The following ZNF471 variants were observed in gnomAD, a reference collection of about 807,000 sequenced individuals.
ZNF471 encodes zinc finger protein 471.
Under a neutral mutation model 13.7 loss-of-function variants are expected in ZNF471, and 7 were observed. That is an observed-to-expected ratio of 0.51 (90% CI 0.29 to 0.96). The LOEUF (loss-of-function observed/expected upper bound fraction) is 0.96. Among genes scored for constraint, ZNF471 ranks in the 40% least tolerant of loss-of-function variants. ZNF471 has a pLI of 0.08. For missense variants in ZNF471, 663 were observed against 743.3 expected (o/e 0.89, Z 1.26); for synonymous variants, 218 against 235.6 (o/e 0.93, Z 0.68).
chr19:56,520,046 G>C (rs563283398), intron 4 of ZNF471, among the ~76,000 whole-genome samples: 2 of 152,314 alleles, frequency 1.3e-5, no homozygotes, highest in African/African-American at 4.8e-5. Flanking sequence ...TGTGTCCACT[G>C]TGGATAAGGA....
chr19:56,511,494 C>T, intron 1 of ZNF471, 23 bp from the exon 2 acceptor site: 5 of 1,586,706 alleles, frequency 3.2e-6, no homozygotes, highest in Non-Finnish European at 4.3e-6. Context: ...CCTCATCTCT[C>T]TCTAACCTTT....
rs772085611 is a variant in ZNF471 at position 56,525,990 on chromosome 19, C to T, written c.*42C>T. 3.4e-6 allele frequency: 5 copies of T among 1,487,894 alleles called. No homozygotes were observed. The East Asian group carries it at 9.1e-5, about 27-fold the overall frequency. 92.2% of individuals were successfully genotyped at this position (1,487,894 alleles called of 1,614,324 possible). ...GCCAAGCCTTTAGTTATCACCAATC[C>T]CCTACTGTTAATCAGAGATGTCCCA... On this transcript the variant is annotated 3_prime_UTR_variant, in exon 5 of 5. Coordinates refer to ENST00000308031, the MANE Select transcript of ZNF471 (RefSeq NM_020813.4).
chr19:56,525,450 C>T lies in ZNF471; in HGVS notation c.1383C>T (p.Cys461=). The change falls in exon 5 of 5, where the codon TGC becomes TGT. Residue 461 remains cysteine, a synonymous_variant. Coordinates refer to ENST00000308031, the MANE Select transcript of ZNF471 (RefSeq NM_020813.4). Reference sequence around the variant, plus strand: ...ATTCTGGAGAGAAACCGTATGAATGCAAGGAATGTGGGAAAGCCTTTAGGC... The same window carrying T: ...ATTCTGGAGAGAAACCGTATGAATGTAAGGAATGTGGGAAAGCCTTTAGGC... The part of the protein sequence containing the change: ...RVHSGEKPYE[C]KECGKAFRQN... 6.2e-7 allele frequency: 1 copy of T among 1,613,926 alleles called. No individual in the cohort carries two copies. The highest frequency in any genetic ancestry group is 8.5e-7 in the Non-Finnish European group (1 of 1,180,002).
chr19:56,526,088 A>C lies in ZNF471; in HGVS notation c.*140A>C. 1 of 824,260 alleles carries C rather than the reference A, an allele frequency of 1.2e-6. No individual in the cohort carries two copies. Among genetic ancestry groups the C allele is most frequent in the Non-Finnish European group, 1.8e-6 (1 of 546,350 alleles). The allele number at this position is 824,260 out of a possible 1,614,324, so 51.1% of individuals were successfully genotyped here. ...CAGGAGGCTGGCAAGATGGCCGAAT[A>C]GGAACAGCTCTGATCTGCAGTTCCC... On this transcript the variant is annotated 3_prime_UTR_variant, in exon 5 of 5. Coordinates refer to ENST00000308031, the MANE Select transcript of ZNF471 (RefSeq NM_020813.4).
intron 4 of ZNF471, among the ~76,000 whole-genome samples, chr19:56,519,389 T>C (rs2043937907): frequency 6.6e-6 from 1 of 152,166 alleles, no homozygotes; most frequent in African/African-American, 2.4e-5. Context: ...ATCCTGAATA[T>C]CAAATCAGAG....
At chr19:56,512,435 C>T (rs2043824698) in intron 2 of ZNF471, among the ~76,000 whole-genome samples, 1 of 151,692 alleles carries the variant, frequency 6.6e-6, no homozygotes, top group South Asian at 2.1e-4. Flanking sequence ...ATTACATTAA[C>T]TTTTTATGTT....
At position 56,510,212 on chromosome 19, in the gene ZNF471, GTGTT is replaced by G. The variant is rs1305581784; in HGVS notation, c.-55-1301_-55-1298del. On this transcript the variant is annotated intron_variant, in intron 1 of 4. Coordinates refer to ENST00000308031, the MANE Select transcript of ZNF471 (RefSeq NM_020813.4). The surrounding 1 kb of genome is among the most constrained non-coding windows in gnomAD (Gnocchi z 4.3). ...CAGTTGGAATATGAGAGATCAGAGT[GTGTT>G]TGTGTATCTGTGTGAGACACTGGAG... 7.8e-5 allele frequency: 77 copies of G among 985,334 alleles called. No homozygotes were observed. Among genetic ancestry groups the G allele is most frequent in the Non-Finnish European group, 9.2e-5 (76 of 829,992 alleles). The allele number at this position is 985,334 out of a possible 1,614,324, so 61.0% of individuals were successfully genotyped here.
rs1600512130 is a variant in ZNF471, at chr19:56,516,504, G to A, written c.160+103G>A. 8.2e-6 allele frequency: 9 copies of A among 1,092,658 alleles called. No individual in the cohort carries two copies. The East Asian group carries it at 2.4e-4, about 29-fold the overall frequency. The allele number at this position is 1,092,658 out of a possible 1,614,324, so 67.7% of individuals were successfully genotyped here. On this transcript the variant is annotated intron_variant, in intron 3 of 4. Transcript: ENST00000308031. This position sits in a 1 kb window ranked among gnomAD's most constrained non-coding sequence, Gnocchi z 4.4. ...ATATGTAGGTCAGAATGGAATTTGG[G>A]AATGGAATCTGAGAAACAGAGGATA...
chr19:56,521,637 T>TAAA (rs2043973128), intron 4 of ZNF471, among the ~76,000 whole-genome samples: 1 of 31,416 alleles, frequency 3.2e-5, no homozygotes, highest in African/African-American at 2.3e-4. Context: ...AGACTCTGTC[T>TAAA]CAAAAAAAAA....
At chr19:56,521,649 A>C (rs1263460916) in intron 4 of ZNF471, among the ~76,000 whole-genome samples, 1 of 145,390 alleles carries the variant, frequency 6.9e-6, no homozygotes, top group Non-Finnish European at 1.5e-5. Context: ...AAAAAAAAAA[A>C]AAAAAAAAAA....
At position 56,510,206 on chromosome 19, in the gene ZNF471, C is replaced by G. The variant is rs1600503825; in HGVS notation, c.-55-1311C>G. 1.0e-6 allele frequency: 1 copy of G among 985,386 alleles called. No individual in the cohort carries two copies. The highest frequency in any genetic ancestry group is 1.2e-6 in the Non-Finnish European group (1 of 829,992). The allele number at this position is 985,386 out of a possible 1,614,324, so 61.0% of individuals were successfully genotyped here. A position where few individuals can be genotyped will look rare whatever the true frequency, so the allele number is the denominator to read the frequency against. On this transcript the variant is annotated intron_variant, in intron 1 of 4. Transcript: ENST00000308031. This position sits in a 1 kb window ranked among gnomAD's most constrained non-coding sequence, Gnocchi z 4.3. The stretch of plus-strand genomic sequence containing the variant: ...ATAAAGCAGTTGGAATATGAGAGAT[C>G]AGAGTGTGTTTGTGTATCTGTGTGA...
chr19:56,510,468 G>A lies in ZNF471; in HGVS notation c.-55-1049G>A, dbSNP rs907995593. ...AGCATGCATGTGTGAGTGAGACAGA[G>A]ATAAGGGACAGTGAGCTGTGTGTGT... On this transcript the variant is annotated intron_variant, in intron 1 of 4. Transcript: ENST00000308031. This position sits in a 1 kb window ranked among gnomAD's most constrained non-coding sequence, Gnocchi z 4.3. The A allele has an allele frequency of 1.8e-5, 18 of 985,306 alleles. No homozygotes were observed. The highest frequency in any genetic ancestry group is 4.7e-5 in the South Asian group (1 of 21,288). The allele number at this position is 985,306 out of a possible 1,614,324, so 61.0% of individuals were successfully genotyped here. A position where few individuals can be genotyped will look rare whatever the true frequency, so the allele number is the denominator to read the frequency against.
In ZNF471 at chr19:56,528,094, C is replaced by A. The variant is rs140138681; in HGVS notation, c.*2146C>A. 1 of 152,124 alleles carries A rather than the reference C, an allele frequency of 6.6e-6. No individual in the cohort carries two copies. The highest frequency in any genetic ancestry group is 1.9e-4 in the East Asian group (1 of 5,198). The allele number at this position is 152,124 out of a possible 1,614,324, so 9.4% of individuals were successfully genotyped here. On this transcript the variant is annotated 3_prime_UTR_variant, in exon 5 of 5. Coordinates refer to ENST00000308031, the MANE Select transcript of ZNF471 (RefSeq NM_020813.4). ...GTCTGTGCATAGTTTTAGTGATACA[C>A]CACCTCCGATAAGCAAAAAAGTCCT...
Position 56,524,884 on chromosome 19 carries a change from C to T in ZNF471, c.817C>T (p.Gln273Ter). ...TAAAGAATGTAGGAAAGCCTTCAAA[C>T]AAAGTGAACACCTTATTCAGCATCA... ...ECKECRKAFK[Q>*]SEHLIQHQRI... The change falls in exon 5 of 5, where the codon CAA becomes TAA. Residue 273 changes from glutamine to a stop codon, truncating the protein, a stop_gained. Coordinates refer to ENST00000308031, the MANE Select transcript of ZNF471 (RefSeq NM_020813.4). LOFTEE classifies it low-confidence loss of function (END_TRUNC). This position sits in a 1 kb window ranked among gnomAD's most constrained non-coding sequence, Gnocchi z 4.8. 1 of 1,610,880 alleles carries T rather than the reference C, an allele frequency of 6.2e-7. No individual in the cohort carries two copies. The highest frequency in any genetic ancestry group is 8.5e-7 in the Non-Finnish European group (1 of 1,178,648).
intron 2 of ZNF471, among the ~76,000 whole-genome samples, chr19:56,513,335 C>T (rs1358822404): frequency 1.3e-5 from 2 of 152,214 alleles, no homozygotes; most frequent in Non-Finnish European, 2.9e-5. Flanking sequence ...AGACTGTAAA[C>T]ATTATTCACT....
rs2043894620 is a variant in ZNF471, at chr19:56,516,781, A to G, written c.160+380A>G. On this transcript the variant is annotated intron_variant, in intron 3 of 4. Coordinates refer to ENST00000308031, the MANE Select transcript of ZNF471 (RefSeq NM_020813.4). The surrounding 1 kb of genome is among the most constrained non-coding windows in gnomAD (Gnocchi z 4.4). ...CTTTTAAAATCTGTATCTTTGTATTAAGTAACAAACTGAAGACACAAACTG... is the reference window on the plus strand; with the variant it reads ...CTTTTAAAATCTGTATCTTTGTATTGAGTAACAAACTGAAGACACAAACTG... 1.3e-5 allele frequency among the ~76,000 whole-genome samples: 2 copies of G among 152,256 alleles called. No individual in the cohort carries two copies. Among genetic ancestry groups the G allele is most frequent in the Non-Finnish European group, 2.9e-5 (2 of 68,056 alleles).
At position 56,527,527 on chromosome 19, in the gene ZNF471, C is replaced by T. The variant is rs964736073; in HGVS notation, c.*1579C>T. On this transcript the variant is annotated 3_prime_UTR_variant, in exon 5 of 5. Coordinates refer to ENST00000308031, the MANE Select transcript of ZNF471 (RefSeq NM_020813.4). The stretch of plus-strand genomic sequence containing the variant: ...AGAAGGTGGGAAATAACAAACTCCT[C>T]TGAGCTAAAGGAGCATGTTCTAACC... 2 of 152,134 alleles carry T rather than the reference C, an allele frequency of 1.3e-5. No homozygotes were observed. Among genetic ancestry groups the T allele is most frequent in the South Asian group, 4.1e-4 (2 of 4,834 alleles). The allele number at this position is 152,134 out of a possible 1,614,324, so 9.4% of individuals were successfully genotyped here. A position where few individuals can be genotyped will look rare whatever the true frequency, so the allele number is the denominator to read the frequency against.
chr19:56,509,778 G>C (rs1028651164), intron 1 of ZNF471: 5 of 693,772 alleles, frequency 7.2e-6, no homozygotes, highest in Non-Finnish European at 8.8e-6. Context: ...TCTGGTCTTA[G>C]AACTGTTTTG....
At chr19:56,512,515 ATAAG>A (rs1438694925) in intron 2 of ZNF471, among the ~76,000 whole-genome samples, 1 of 152,098 alleles carries the variant, frequency 6.6e-6, no homozygotes, top group Non-Finnish European at 1.5e-5. Flanking sequence ...ATAATTTATA[ATAAG>A]TGAGGCAGAG....
Sources: allele counts gnomAD v4.1 joint callset (sites outside exome capture counted in the v4.1 genomes callset), GRCh38; gene constraint gnomAD v4.1.1; non-coding constraint Gnocchi (gnomAD v3.1); transcripts MANE v1.5; gene names NCBI Gene and HGNC (gene_info 2026-07-23, HGNC 2026-07-21).